Variants in GSDMC observed in about 807,000 individuals in gnomAD.
GSDMC encodes gasdermin-C.
Under a neutral mutation model 58.0 loss-of-function variants are expected in GSDMC, and 59 were observed. The observed-to-expected ratio is 1.02, with a 90% CI of 0.82 to 1.26. The LOEUF (loss-of-function observed/expected upper bound fraction) is 1.26. Ranked by LOEUF, GSDMC falls within the 50% of genes most tolerant of loss-of-function variation. The pLI is 0.00. For synonymous variants in GSDMC, 241 were observed against 220.2 expected (o/e 1.09, Z -0.83); for missense variants, 659 against 598.5 (o/e 1.10, Z -1.06).
chr8:129,729,540 TGTAA>T, the GSDMC span, among the ~76,000 whole-genome samples: 5 of 152,070 alleles, frequency 3.3e-5, no homozygotes, highest in Non-Finnish European at 7.4e-5. Context: ...AATTCCCACC[TGTAA>T]GTGAGAACAT....
chr8:129,716,468 G>T, the GSDMC span, among the ~76,000 whole-genome samples: 1 of 152,306 alleles, frequency 6.6e-6, no homozygotes, highest in East Asian at 1.9e-4. Context: ...CACTGATTTT[G>T]TATCCTGATA....
At chr8:129,737,327 T>C in the GSDMC span, among the ~76,000 whole-genome samples, 1 of 152,114 alleles carries the variant, frequency 6.6e-6, no homozygotes, top group Non-Finnish European at 1.5e-5. Flanking sequence ...GAGCCTGCAT[T>C]GCCAAGACAA....
the GSDMC span, among the ~76,000 whole-genome samples, chr8:129,718,817 T>C: frequency 6.6e-6 from 1 of 152,100 alleles, no homozygotes. Flanking sequence ...ATAAAGAAAA[T>C]GTGGCACTTA....
intron 1 of GSDMC, among the ~76,000 whole-genome samples, chr8:129,779,902 A>T (rs1474025847): frequency 6.6e-6 from 1 of 152,096 alleles, no homozygotes; most frequent in African/African-American, 2.4e-5. Flanking sequence ...GGAACTCAGA[A>T]TTCTATCAGA....
intron 3 of GSDMC, among the ~76,000 whole-genome samples, chr8:129,769,907 G>C (rs184216278): frequency 6.6e-6 from 1 of 151,986 alleles, no homozygotes; most frequent in Non-Finnish European, 1.5e-5. Flanking sequence ...AGTTCTTCAA[G>C]TTGAAATGAA....
Position 129,753,039 on chromosome 8 carries a change from C to T in GSDMC, c.722-219G>A, listed in dbSNP as rs551360284. Among the ~76,000 whole-genome samples the T allele has an allele frequency of 9.2e-5, 14 of 152,252 alleles. No individual in the cohort carries two copies. In the South Asian group the frequency reaches 1.7e-3, roughly 18 times the overall value. ...AATGCCAGCCAAAGAGCTCTGGAGT[C>T]CTAGGTAAACTTAAAGGTCAGTCTA... On this transcript the variant is annotated intron_variant, in intron 6 of 13. Coordinates refer to ENST00000276708, the MANE Select transcript of GSDMC (RefSeq NM_031415.3).
At chr8:129,743,862 A>C (rs2032913372), downstream of GSDMC, among the ~76,000 whole-genome samples, 1 of 152,202 alleles carries the variant, frequency 6.6e-6, no homozygotes, top group Non-Finnish European at 1.5e-5. Context: ...GTGTTCAATG[A>C]GTTCTGTCCA....
intron 12 of GSDMC, 90 bp downstream of exon 12, chr8:129,749,900 G>A: frequency 9.6e-7 from 1 of 1,046,742 alleles, no homozygotes; most frequent in East Asian, 2.4e-5. Context: ...CATTCAAAGG[G>A]CTTTGGAGAC....
chr8:129,784,080 C>CA (rs2034490673), intron 1 of GSDMC, among the ~76,000 whole-genome samples: 1 of 152,046 alleles, frequency 6.6e-6, no homozygotes, highest in Admixed American at 6.5e-5. Context: ...TCATCATGTA[C>CA]AAAAATAAAA....
chr8:129,705,509 A>G, the GSDMC span: 51,748 of 152,680 alleles, frequency 0.34, 13,176 homozygotes, highest in African/African-American at 0.69. Context: ...ACTTACAATC[A>G]TGCCAGAAGG....
At chr8:129,712,902 G>A in the GSDMC span, among the ~76,000 whole-genome samples, 1 of 152,240 alleles carries the variant, frequency 6.6e-6, no homozygotes, top group Non-Finnish European at 1.5e-5. Context: ...CCAGCTGGCA[G>A]TGAAGAGCTC....
the GSDMC span, among the ~76,000 whole-genome samples, chr8:129,741,676 G>A: frequency 1.9e-4 from 29 of 151,998 alleles, no homozygotes; most frequent in African/African-American, 6.8e-4. Flanking sequence ...CTTGTAGGCT[G>A]TTGCTGGGAA....
chr8:129,767,525 A>G (rs1483921430), intron 3 of GSDMC, among the ~76,000 whole-genome samples: 8 of 139,680 alleles, frequency 5.7e-5, no homozygotes, highest in African/African-American at 1.9e-4. Context: ...GCCTGCAACC[A>G]CACAGAGCTA....
intron 3 of GSDMC, among the ~76,000 whole-genome samples, chr8:129,772,808 T>G (rs2034105250): frequency 6.6e-6 from 1 of 152,134 alleles, no homozygotes; most frequent in Admixed American, 6.5e-5. Flanking sequence ...ATAAGGACAT[T>G]ACAAGAAAAG....
At chr8:129,722,156 T>C in the GSDMC span, among the ~76,000 whole-genome samples, 5 of 152,362 alleles carry the variant, frequency 3.3e-5, no homozygotes, top group African/African-American at 1.2e-4. Flanking sequence ...TAAAGATACA[T>C]TTGATTATTT....
the GSDMC span, among the ~76,000 whole-genome samples, chr8:129,712,218 C>A: frequency 2.0e-5 from 3 of 152,146 alleles, no homozygotes; most frequent in Admixed American, 6.5e-5. Context: ...TTATTCAATA[C>A]GTGGCATATT....
At chr8:129,717,250 CTTTTTT>C in the GSDMC span, among the ~76,000 whole-genome samples, 14 of 114,650 alleles carry the variant, frequency 1.2e-4, no homozygotes, top group South Asian at 3.0e-4. Flanking sequence ...TGGTCCTGGG[CTTTTTT>C]TTTTTTTTTT....
chr8:129,718,416 T>A, the GSDMC span, among the ~76,000 whole-genome samples: 1 of 152,220 alleles, frequency 6.6e-6, no homozygotes, highest in East Asian at 1.9e-4. Flanking sequence ...AACAAACATA[T>A]GGAAAAAAGC....
rs547629674 is a variant in GSDMC, at chr8:129,783,587, T to G, written c.-5+2424A>C. On this transcript the variant is annotated intron_variant, in intron 1 of 13. Transcript: ENST00000276708. The stretch of plus-strand genomic sequence containing the variant: ...ACTATAAAACATTGATGAAAGAAAC[T>G]GAAGAGGACACAAAAAATGGAAAGA... 5.9e-5 allele frequency among the ~76,000 whole-genome samples: 9 copies of G among 152,144 alleles called. No homozygotes were observed. The South Asian group carries it at 1.7e-3, about 28-fold the overall frequency.
Sources: gnomAD v4.1 joint callset for allele counts (sites outside exome capture counted in the v4.1 genomes callset) on GRCh38, gnomAD v4.1.1 for gene constraint, MANE v1.5 for transcripts, NCBI Gene and HGNC (gene_info 2026-07-23, HGNC 2026-07-21) for gene names.